Variants in SLC4A10 observed in about 807,000 individuals in gnomAD.
SLC4A10 encodes the protein sodium-driven chloride bicarbonate exchanger.
In SLC4A10, 42 loss-of-function variants were observed where a neutral mutation model predicts 137.7. The ratio of observed to expected loss-of-function variants is 0.30; its 90% confidence interval spans 0.24 to 0.39. The LOEUF is 0.39. SLC4A10 is among the 10% of genes least tolerant of loss of function. The pLI, the probability that SLC4A10 is intolerant of heterozygous loss-of-function variation, is 1.00. For synonymous variants in SLC4A10, 474 were observed against 464.1 expected (o/e 1.02, Z -0.27); for missense variants, 925 against 1,355.0 (o/e 0.68, Z 4.98).
intron 8 of SLC4A10, among the ~76,000 whole-genome samples, chr2:161,877,805 C>T (rs888402411): frequency 1.3e-5 from 2 of 151,870 alleles, no homozygotes; most frequent in Non-Finnish European, 2.9e-5. Context: ...TTTGTTAAAT[C>T]ATTCTTCCTT....
chr2:161,820,909 G>C (rs1344151729), intron 3 of SLC4A10, among the ~76,000 whole-genome samples: 1 of 152,142 alleles, frequency 6.6e-6, no homozygotes, highest in Non-Finnish European at 1.5e-5. Flanking sequence ...CACCAATAAA[G>C]TGTGAGAACT....
intron 12 of SLC4A10, among the ~76,000 whole-genome samples, chr2:161,901,639 A>G (rs1683139622): frequency 6.6e-6 from 1 of 152,078 alleles, no homozygotes; most frequent in African/African-American, 2.4e-5. Context: ...AATTAAAGGC[A>G]GTTGCAAAGG....
chr2:161,903,929 C>T, intron 12 of SLC4A10, 75 bp from the exon 13 acceptor site: 2 of 1,431,922 alleles, frequency 1.4e-6, no homozygotes, highest in Non-Finnish European at 1.9e-6. Context: ...GACCTGGCAA[C>T]AAAGCAAATG....
intron 1 of SLC4A10, among the ~76,000 whole-genome samples, chr2:161,758,036 A>AT (rs2049856868): frequency 1.3e-5 from 2 of 151,736 alleles, no homozygotes; most frequent in East Asian, 1.9e-4. Context: ...ATCTGATTTC[A>AT]TTTTTTCCAC....
At chr2:161,960,140 C>T (rs557903972) in intron 21 of SLC4A10, among the ~76,000 whole-genome samples, 14 of 151,164 alleles carry the variant, frequency 9.3e-5, no homozygotes, top group East Asian at 4.0e-4. Context: ...CCGAGGTGGG[C>T]GGATCATGAG....
rs770777867 is a variant in SLC4A10, at chr2:161,976,838, T to C, written c.3306T>C (p.Asp1102=). The change falls in exon 25 of 27, where the codon GAT becomes GAC. Residue 1102 remains aspartate, a synonymous_variant. Coordinates refer to ENST00000446997, the MANE Select transcript of SLC4A10 (RefSeq NM_001178015.2). ...ALWRNLLITA[D]NSKDKESSFP... ...GGAGGAACCTTCTGATTACTGCCGA[T>C]AACTCAAAAGATAAGGAGTCAAGCT... The C allele has an allele frequency of 3.7e-6, 6 of 1,603,338 alleles. No homozygotes were observed. In the African/African-American group the frequency reaches 8.0e-5, roughly 21 times the overall value.
chr2:161,878,757 A>G (rs1411175908), intron 8 of SLC4A10, among the ~76,000 whole-genome samples: 1 of 152,164 alleles, frequency 6.6e-6, no homozygotes, highest in African/African-American at 2.4e-5. Context: ...ATGTACAAAA[A>G]TTAGGTAATG....
At chr2:161,739,765 G>T (rs1292709085) in intron 1 of SLC4A10, among the ~76,000 whole-genome samples, 1 of 152,172 alleles carries the variant, frequency 6.6e-6, no homozygotes, top group Non-Finnish European at 1.5e-5. Context: ...TGCTTGAAAA[G>T]TTGCAAAAGG....
At chr2:161,817,324 A>G (rs1453633508) in intron 3 of SLC4A10, among the ~76,000 whole-genome samples, 2 of 151,534 alleles carry the variant, frequency 1.3e-5, no homozygotes, top group Admixed American at 6.6e-5. Context: ...TTTTGATGGG[A>G]CTGTTTGTTT....
At chr2:161,691,450 A>G (rs1455941268) in intron 1 of SLC4A10, among the ~76,000 whole-genome samples, 4 of 152,100 alleles carry the variant, frequency 2.6e-5, no homozygotes, top group African/African-American at 9.7e-5. Context: ...ATCCTTAAAA[A>G]ATAACTAGAA....
At chr2:161,669,461 T>G (rs1261604337) in intron 1 of SLC4A10, among the ~76,000 whole-genome samples, 1 of 151,894 alleles carries the variant, frequency 6.6e-6, no homozygotes, top group African/African-American at 2.4e-5. Context: ...ACTGCCTCTT[T>G]TCAAGTCCAA....
intron 15 of SLC4A10, among the ~76,000 whole-genome samples, chr2:161,933,391 C>T (rs1436958847): frequency 6.8e-6 from 1 of 147,468 alleles, no homozygotes; most frequent in Non-Finnish European, 1.5e-5. Flanking sequence ...TCTCCCTTCC[C>T]TTCCCTTCCC....
chr2:161,759,397 T>C (rs776688076), intron 1 of SLC4A10, among the ~76,000 whole-genome samples: 69 of 152,020 alleles, frequency 4.5e-4, no homozygotes, highest in Admixed American at 3.3e-4. Context: ...TTATTAACTA[T>C]AGTCATCATG....
intron 26 of SLC4A10, among the ~76,000 whole-genome samples, chr2:161,978,136 G>A (rs1699672848): frequency 6.6e-6 from 1 of 152,032 alleles, no homozygotes; most frequent in Non-Finnish European, 1.5e-5. Context: ...TGTAATCCCA[G>A]CATTTTGGGA....
At chr2:161,650,638 G>A (rs2036661840) in intron 1 of SLC4A10, among the ~76,000 whole-genome samples, 1 of 152,246 alleles carries the variant, frequency 6.6e-6, no homozygotes, top group Admixed American at 6.5e-5. Context: ...GTTCCTCCCG[G>A]CTGTTGACAC....
At chr2:161,839,159 T>G (rs1307399113) in intron 3 of SLC4A10, among the ~76,000 whole-genome samples, 1 of 152,168 alleles carries the variant, frequency 6.6e-6, no homozygotes, top group Admixed American at 6.5e-5. Flanking sequence ...ATACACACAA[T>G]GACAGATAAA....
intron 1 of SLC4A10, among the ~76,000 whole-genome samples, chr2:161,641,471 A>G (rs909128775): frequency 5.3e-5 from 8 of 152,156 alleles, no homozygotes; most frequent in South Asian, 2.1e-4. Context: ...CCTGCTTTTT[A>G]TCTTTAAGAG....
intron 1 of SLC4A10, among the ~76,000 whole-genome samples, chr2:161,691,576 A>G (rs2042003344): frequency 6.6e-6 from 1 of 152,150 alleles, no homozygotes; most frequent in African/African-American, 2.4e-5. Context: ...CATGTACCCC[A>G]TGAATATATA....
intron 1 of SLC4A10, among the ~76,000 whole-genome samples, chr2:161,705,146 T>A (rs2043518216): frequency 6.6e-6 from 1 of 151,532 alleles, no homozygotes; most frequent in Non-Finnish European, 1.5e-5. Flanking sequence ...TTTCTCAACC[T>A]AAAAATATTA....
Sources: allele counts gnomAD v4.1 joint callset (sites outside exome capture counted in the v4.1 genomes callset), GRCh38; gene constraint gnomAD v4.1.1; transcripts MANE v1.5; gene names NCBI Gene and HGNC (gene_info 2026-07-23, HGNC 2026-07-21).